The following OTUD3 variants were observed in gnomAD, a reference collection of about 807,000 sequenced individuals.
OTUD3 encodes the protein OTU domain-containing protein 3.
A neutral mutation model predicts 46.2 loss-of-function variants in OTUD3; 24 were observed. The ratio of observed to expected loss-of-function variants is 0.52; its 90% CI spans 0.38 to 0.73. OTUD3 has a LOEUF of 0.73. Ranked by LOEUF, OTUD3 falls within the 30% of genes least tolerant of loss-of-function variation. The pLI is 0.00. For missense variants in OTUD3, 455 were observed against 523.3 expected (o/e 0.87, Z 1.27); for synonymous variants, 189 against 195.4 (o/e 0.97, Z 0.27).
At chr1:19,882,850 C>G in intron 1 of OTUD3, 116 bp downstream of exon 1, 1 of 929,390 alleles carries the variant, frequency 1.1e-6, no homozygotes, top group Non-Finnish European at 1.4e-6. Context: ...GGGCGCCTCC[C>G]GCGAGCCAGC....
rs1304075789 is a variant in OTUD3 at position 19,910,920 on chromosome 1, T to C, written c.*3174T>C. Reference sequence around the variant, plus strand: ...CTTCAGCGCTGAACTGTACTAGTAGTGAGTCCCTGTAGTCAATGTGCAATT... The same window carrying C: ...CTTCAGCGCTGAACTGTACTAGTAGCGAGTCCCTGTAGTCAATGTGCAATT... On this transcript the variant is annotated 3_prime_UTR_variant, in exon 8 of 8. Transcript: ENST00000375120. 6.6e-6 allele frequency: 1 copy of C among 152,398 alleles called. No homozygotes were observed. Among genetic ancestry groups the C allele is most frequent in the African/African-American group, 2.4e-5 (1 of 41,452 alleles). 9.4% of individuals were successfully genotyped at this position (152,398 alleles called of 1,614,324 possible). A position where few individuals can be genotyped will look rare whatever the true frequency, so the allele number is the denominator to read the frequency against.
At chr1:19,891,387 G>C (rs1005696081) in intron 2 of OTUD3, among the ~76,000 whole-genome samples, 1 of 152,196 alleles carries the variant, frequency 6.6e-6, no homozygotes. Context: ...TCTGTTATCA[G>C]GAAAGAGAAT....
rs1007972253 is a variant in OTUD3 at position 19,882,417 on chromosome 1, C to T, written c.-97C>T. The T allele has an allele frequency of 5.4e-6, 7 of 1,298,954 alleles. No individual in the cohort carries two copies. In the African/African-American group the frequency reaches 6.2e-5, roughly 12 times the overall value. The allele number at this position is 1,298,954 out of a possible 1,614,324, so 80.5% of individuals were successfully genotyped here. The stretch of plus-strand genomic sequence containing the variant: ...GTTGCTGCGTAGTCGTCGCCGGGCT[C>T]CGTTGCCCGCGCTGTTTTACCTTCC... On this transcript the variant is annotated 5_prime_UTR_variant, in exon 1 of 8. Coordinates refer to ENST00000375120, the MANE Select transcript of OTUD3 (RefSeq NM_015207.2).
chr1:19,885,716 A>G (rs185946828), intron 1 of OTUD3, among the ~76,000 whole-genome samples: 25 of 152,284 alleles, frequency 1.6e-4, no homozygotes, highest in Non-Finnish European at 2.8e-4. Flanking sequence ...GGCCTCCCAA[A>G]GTGGTGGAAT....
rs1195569769 is a variant in OTUD3, at chr1:19,882,659, G to A, written c.146G>A (p.Cys49Tyr). The change falls in exon 1 of 8, where the codon TGC (cysteine) becomes TAC (tyrosine). Residue 49 changes from cysteine (C) to tyrosine (Y), a missense_variant. Coordinates refer to ENST00000375120, the MANE Select transcript of OTUD3 (RefSeq NM_015207.2). ...CCGGAGTCTGGCGGCGGCGGCGGCT[G>A]CGAGGAGGAGTTCGTCAGCTTCGCC... ...NRPESGGGGG[C>Y]EEEFVSFANQ... 4.1e-6 allele frequency: 6 copies of A among 1,459,888 alleles called. No homozygotes were observed. The highest frequency in any genetic ancestry group is 4.5e-6 in the Non-Finnish European group (5 of 1,107,830). 90.4% of individuals were successfully genotyped at this position (1,459,888 alleles called of 1,614,324 possible). A position where few individuals can be genotyped will look rare whatever the true frequency, so the allele number is the denominator to read the frequency against.
intron 4 of OTUD3, chr1:19,897,884 T>C: frequency 4.6e-6 from 2 of 434,950 alleles, no homozygotes; most frequent in Non-Finnish European, 4.1e-6. Context: ...ATAGTTACAA[T>C]TGTATGTGTA....
Position 19,897,405 on chromosome 1 carries a change from T to C in OTUD3, c.484-135T>C, listed in dbSNP as rs967941690. ...GGTAGTTTGGAAATTGCTTGTGACATATCCCAGGTGTGTTCCCAATTAGTG... is the reference window on the plus strand; with the variant it reads ...GGTAGTTTGGAAATTGCTTGTGACACATCCCAGGTGTGTTCCCAATTAGTG... On this transcript the variant is annotated intron_variant, in intron 3 of 7. Coordinates refer to ENST00000375120, the MANE Select transcript of OTUD3 (RefSeq NM_015207.2). 7.0e-6 allele frequency: 5 copies of C among 713,176 alleles called. No homozygotes were observed. The African/African-American group carries it at 7.3e-5, about 10-fold the overall frequency. 44.2% of individuals were successfully genotyped at this position (713,176 alleles called of 1,614,324 possible). A position where few individuals can be genotyped will look rare whatever the true frequency, so the allele number is the denominator to read the frequency against.
chr1:19,891,882 T>G (rs1372167529), intron 2 of OTUD3, among the ~76,000 whole-genome samples: 1 of 152,248 alleles, frequency 6.6e-6, no homozygotes, highest in Non-Finnish European at 1.5e-5. Context: ...CAGATATGCA[T>G]AGTTTACTGG....
chr1:19,882,536 A>G lies in OTUD3; in HGVS notation c.23A>G (p.Lys8Arg). The change falls in exon 1 of 8, where the codon AAG becomes AGG. Residue 8 changes from lysine to arginine, a missense_variant. Physicochemically the swap from Lys to Arg is conservative, Grantham distance 26. Transcript: ENST00000375120. MSRKQAA[K>R]SRPGSGSRKA... ...GCCATGTCCCGAAAGCAGGCGGCGA[A>G]GAGCCGGCCGGGCAGCGGCAGCCGG... 1 of 1,344,718 alleles carries G rather than the reference A, an allele frequency of 7.4e-7. No homozygotes were observed. The highest frequency in any genetic ancestry group is 2.0e-5 in the South Asian group (1 of 50,436). The allele number at this position is 1,344,718 out of a possible 1,614,324, so 83.3% of individuals were successfully genotyped here.
chr1:19,900,089 C>G (rs963223310), intron 4 of OTUD3, among the ~76,000 whole-genome samples: 2 of 152,062 alleles, frequency 1.3e-5, no homozygotes, highest in African/African-American at 2.4e-5. Flanking sequence ...AAATTTGTTA[C>G]GATTTTCTTA....
chr1:19,892,049 A>G (rs2045454326), intron 2 of OTUD3, among the ~76,000 whole-genome samples: 1 of 152,254 alleles, frequency 6.6e-6, no homozygotes, highest in Non-Finnish European at 1.5e-5. Context: ...GAACACTGTC[A>G]GTGAAGATCA....
rs919538496 is a variant in OTUD3, at chr1:19,911,113, A to G, written c.*3367A>G. 29 of 152,310 alleles carry G rather than the reference A, an allele frequency of 1.9e-4. No homozygotes were observed. Among genetic ancestry groups the G allele is most frequent in the Non-Finnish European group, 4.1e-4 (28 of 68,040 alleles). The allele number at this position is 152,310 out of a possible 1,614,324, so 9.4% of individuals were successfully genotyped here. ...CCAAAAGGATCTCTGCGGGGGGAAG[A>G]GAATGGAGCTTCCTGATTTTAATGT... On this transcript the variant is annotated 3_prime_UTR_variant, in exon 8 of 8. Transcript: ENST00000375120.
At chr1:19,897,314 AC>A (rs1162181180) in intron 3 of OTUD3, among the ~76,000 whole-genome samples, 1 of 152,192 alleles carries the variant, frequency 6.6e-6, no homozygotes, top group African/African-American at 2.4e-5. Context: ...TGAATTTCTT[AC>A]ATGATTTATT....
chr1:19,897,773 A>G, intron 4 of OTUD3, 111 bp downstream of exon 4: 1 of 1,111,698 alleles, frequency 9.0e-7, no homozygotes, highest in South Asian at 1.6e-5. Flanking sequence ...GTTGGCATTG[A>G]GAATCTGTGG....
chr1:19,893,333 T>A (rs2100272132), intron 2 of OTUD3, among the ~76,000 whole-genome samples: 1 of 152,250 alleles, frequency 6.6e-6, no homozygotes, highest in South Asian at 2.1e-4. Flanking sequence ...TGCTAACAGT[T>A]ACGGTTTGTT....
chr1:19,904,743 G>T, intron 5 of OTUD3, 148 bp from the exon 6 acceptor site: 1 of 591,298 alleles, frequency 1.7e-6, no homozygotes. Context: ...ATTGGAAATC[G>T]ACATTTTTCT....
Position 19,898,504 on chromosome 1 carries a change from G to A in OTUD3, c.606+842G>A, listed in dbSNP as rs1036291503. 2.5e-4 allele frequency among the ~76,000 whole-genome samples: 38 copies of A among 151,732 alleles called. 1 individual carries two copies. The highest frequency in any genetic ancestry group is 1.0e-3 in the Admixed American group (16 of 15,258). On this transcript the variant is annotated intron_variant, in intron 4 of 7. Transcript: ENST00000375120. Reference sequence around the variant, plus strand: ...AGCACTTTGGGAGGCCGAGGCGGGCGGATCACCTGAGGTCGGGAGTTCAAG... The same window carrying A: ...AGCACTTTGGGAGGCCGAGGCGGGCAGATCACCTGAGGTCGGGAGTTCAAG...
intron 4 of OTUD3, among the ~76,000 whole-genome samples, chr1:19,901,033 C>T (rs2045582026): frequency 6.6e-6 from 1 of 151,500 alleles, no homozygotes; most frequent in Non-Finnish European, 1.5e-5. Flanking sequence ...CCTCAGCCTC[C>T]CGAGTAGCTG....
At chr1:19,901,430 TTGG>T (rs1199108263) in intron 4 of OTUD3, among the ~76,000 whole-genome samples, 3 of 152,254 alleles carry the variant, frequency 2.0e-5, no homozygotes, top group Non-Finnish European at 4.4e-5. Context: ...TGTTTTCTAG[TTGG>T]TTATCATTTG....
Sources: gnomAD v4.1 joint callset for allele counts (sites outside exome capture counted in the v4.1 genomes callset) on GRCh38, gnomAD v4.1.1 for gene constraint, MANE v1.5 for transcripts, NCBI Gene and HGNC (gene_info 2026-07-23, HGNC 2026-07-21) for gene names.